ANXA6: variants seen among roughly 807,000 people sequenced by gnomAD.
The protein encoded by ANXA6 is annexin A6.
ANXA6 carries 71 observed loss-of-function variants against 95.4 expected under a neutral mutation model. The ratio of observed to expected loss-of-function variants is 0.74; its 90% CI spans 0.61 to 0.91. The LOEUF (loss-of-function observed/expected upper bound fraction) is 0.91, where lower values mean the gene tolerates loss of function less well. Among genes scored for constraint, ANXA6 ranks in the 40% least tolerant of loss-of-function variants. ANXA6 has a pLI of 0.00. For missense variants in ANXA6, 830 were observed against 876.4 expected (o/e 0.95, Z 0.67); for synonymous variants, 289 against 315.9 (o/e 0.91, Z 0.90).
At position 151,119,459 on chromosome 5, in the gene ANXA6, G is replaced by A. The variant is rs558659415; in HGVS notation, c.1348-69C>T. On this transcript the variant is annotated intron_variant, in intron 17 of 25. Coordinates refer to ENST00000354546, the MANE Select transcript of ANXA6 (RefSeq NM_001155.5). ...TCCTGTGCAGAGGTCCATGGGGCCCGGACGGCTAAAGCTCAGGCCAAGCAT... is the reference window on the plus strand; with the variant it reads ...TCCTGTGCAGAGGTCCATGGGGCCCAGACGGCTAAAGCTCAGGCCAAGCAT... 88 of 1,380,346 alleles carry A rather than the reference G, an allele frequency of 6.4e-5. No homozygotes were observed. The East Asian group carries it at 6.7e-4, about 10-fold the overall frequency. 85.5% of individuals were successfully genotyped at this position (1,380,346 alleles called of 1,614,324 possible).
chr5:151,141,947 C>T lies in ANXA6; in HGVS notation c.19-1704G>A, dbSNP rs113983198. The stretch of plus-strand genomic sequence containing the variant: ...GAAATTCCTGCTGCCTTCTCCACCC[C>T]GGTGGGCAGTTTGATCCAGAAACCT... On this transcript the variant is annotated intron_variant, in intron 2 of 25. Coordinates refer to ENST00000354546, the MANE Select transcript of ANXA6 (RefSeq NM_001155.5). Among the ~76,000 whole-genome samples the T allele has an allele frequency of 7.9e-5, 12 of 152,308 alleles. 1 individual carries two copies. The highest frequency in any genetic ancestry group is 1.2e-4 in the African/African-American group (5 of 41,570).
chr5:151,111,455 TG>T (rs1211755208), intron 20 of ANXA6, among the ~76,000 whole-genome samples: 1 of 152,218 alleles, frequency 6.6e-6, no homozygotes, highest in African/African-American at 2.4e-5. Flanking sequence ...TTCTTTTCAT[TG>T]CATAATTGGC....
rs547165725 is a variant in ANXA6, at chr5:151,142,489, A to G, written c.19-2246T>C. ...TGAGACTGACTCTGTCTCAAAAAAA[A>G]AAAAAGGAAACAAGAAGGTTCAGAG... On this transcript the variant is annotated intron_variant, in intron 2 of 25. Coordinates refer to ENST00000354546, the MANE Select transcript of ANXA6 (RefSeq NM_001155.5). Among the ~76,000 whole-genome samples, 24 of 152,218 alleles carry G rather than the reference A, an allele frequency of 1.6e-4. No homozygotes were observed. In the East Asian group the frequency reaches 4.4e-3, roughly 28 times the overall value.
intron 10 of ANXA6, 69 bp downstream of exon 10, chr5:151,132,407 A>T: frequency 8.5e-7 from 1 of 1,178,806 alleles, no homozygotes; most frequent in East Asian, 2.5e-5. Context: ...TTCCATTCTC[A>T]GCCCCTTGTT....
At chr5:151,113,640 T>C (rs1164792749) in intron 20 of ANXA6, among the ~76,000 whole-genome samples, 1 of 151,992 alleles carries the variant, frequency 6.6e-6, no homozygotes, top group Non-Finnish European at 1.5e-5. Context: ...ATATCTGTAA[T>C]GTAAAAAAAA....
chr5:151,140,460 G>T (rs935347760), intron 2 of ANXA6: 5 of 550,744 alleles, frequency 9.1e-6, no homozygotes, highest in Non-Finnish European at 1.3e-5. Context: ...CCCAAGGGAG[G>T]GGGGCTTGGC....
rs762020848 is a variant in ANXA6, at chr5:151,128,225, G to A, written c.933C>T (p.Gly311=). 25 of 1,611,126 alleles carry A rather than the reference G, an allele frequency of 1.6e-5. No homozygotes were observed. Among genetic ancestry groups the A allele is most frequent in the East Asian group, 4.5e-5 (2 of 44,824 alleles). Residue 311 remains glycine (G), a synonymous_variant, in exon 13 of 26, where the codon GGC becomes GGT. Coordinates refer to ENST00000354546, the MANE Select transcript of ANXA6 (RefSeq NM_001155.5). ...GCTTCAGCAGAGTCTTCTTGTACTC[G>A]CCAGAGGTGTCATTCTGAAGAGAAA... is the stretch of plus-strand genomic sequence containing the variant. ...LYSMIKNDTS[G]EYKKTLLKLS...
intron 20 of ANXA6, 50 bp from the exon 21 acceptor site, chr5:151,110,694 G>A: frequency 6.2e-7 from 1 of 1,609,370 alleles, no homozygotes; most frequent in Non-Finnish European, 8.5e-7. Context: ...GCAAGAGTCA[G>A]AGGAGGTTGG....
In ANXA6 at chr5:151,122,958, G is replaced by A. The variant is rs199949353; in HGVS notation, c.1192C>T (p.Arg398Trp). Residue 398 changes from arginine to tryptophan, a missense_variant, in exon 16 of 26, where the codon CGG becomes TGG. By Grantham distance (101) the Arg-to-Trp change is moderately radical. Transcript: ENST00000354546. ...DIITHRSNVQ[R>W]QQIRQTFKSH... ...TTGAAGGTCTGCCGGATCTGCTGCC[G>A]CTGGACATTGCTGCGGTGCGTGATG... The A allele has an allele frequency of 1.7e-5, 27 of 1,613,786 alleles. No homozygotes were observed. Among genetic ancestry groups the A allele is most frequent in the African/African-American group, 2.7e-5 (2 of 74,926 alleles).
In ANXA6 at chr5:151,126,409, C is replaced by G. The variant is rs373658825; in HGVS notation, c.1049G>C (p.Arg350Pro). ...AGGAGGGGAAGGTCTGACCTCTACT[C>G]GGGCCACTGCACTAAGTTCCCACAT... ...YQMWELSAVA[R>P]VELKGTVRPA... The change falls in exon 14 of 26, where the codon CGA (arginine) becomes CCA (proline). Residue 350 changes from arginine to proline, a missense_variant. Transcript: ENST00000354546. 2.5e-6 allele frequency: 4 copies of G among 1,608,892 alleles called. No individual in the cohort carries two copies. Among genetic ancestry groups the G allele is most frequent in the East Asian group, 2.2e-5 (1 of 44,684 alleles).
At chr5:151,110,433 G>A (rs1322722616) in intron 21 of ANXA6, among the ~76,000 whole-genome samples, 194 bp downstream of exon 21, 2 of 152,184 alleles carry the variant, frequency 1.3e-5, no homozygotes, top group East Asian at 1.9e-4. Flanking sequence ...AGCACAAATC[G>A]TGCCAGAGAT....
chr5:151,132,412 C>A, intron 10 of ANXA6, 64 bp downstream of exon 10: 1 of 1,263,574 alleles, frequency 7.9e-7, no homozygotes, highest in South Asian at 1.3e-5. Context: ...TTCTCAGCCC[C>A]TTGTTCCTAG....
chr5:151,110,787 C>A, intron 20 of ANXA6, 143 bp from the exon 21 acceptor site: 1 of 813,304 alleles, frequency 1.2e-6, no homozygotes. Flanking sequence ...TGAGAGAACC[C>A]GGGATGCGAA....
chr5:151,131,473 G>C (rs1765511467), intron 10 of ANXA6, among the ~76,000 whole-genome samples, 184 bp from the exon 11 acceptor site: 1 of 152,118 alleles, frequency 6.6e-6, no homozygotes, highest in Non-Finnish European at 1.5e-5. Flanking sequence ...GCACACCCAG[G>C]GAATAAACAG....
intron 2 of ANXA6, among the ~76,000 whole-genome samples, chr5:151,141,356 G>A (rs1402082653): frequency 1.3e-5 from 2 of 152,186 alleles, no homozygotes; most frequent in Admixed American, 6.5e-5. Flanking sequence ...TGTCTTTCAC[G>A]AGCTCCTGGC....
chr5:151,147,440 C>A (rs1446073323), intron 2 of ANXA6, among the ~76,000 whole-genome samples: 1 of 152,254 alleles, frequency 6.6e-6, no homozygotes, highest in Non-Finnish European at 1.5e-5. Context: ...CCTGGAATCA[C>A]TGGGCATGAG....
intron 4 of ANXA6, chr5:151,139,043 C>T (rs1041228897): frequency 1.5e-5 from 9 of 594,188 alleles, no homozygotes; most frequent in Non-Finnish European, 2.1e-5. Flanking sequence ...GCCACTTCCC[C>T]ACCACTGTCT....
At chr5:151,102,699 G>A (rs544127179) in intron 25 of ANXA6, among the ~76,000 whole-genome samples, 9 of 152,208 alleles carry the variant, frequency 5.9e-5, no homozygotes, top group South Asian at 4.2e-4. Flanking sequence ...GCAAGACTCC[G>A]TCTCAAAAAC....
intron 25 of ANXA6, among the ~76,000 whole-genome samples, chr5:151,103,003 T>C (rs1324875350): frequency 1.3e-5 from 2 of 152,150 alleles, no homozygotes; most frequent in African/African-American, 4.8e-5. Flanking sequence ...GTTTGTTTGT[T>C]TGTCTGTTTT....
Sources: gnomAD v4.1 joint callset for allele counts (sites outside exome capture counted in the v4.1 genomes callset) on GRCh38, gnomAD v4.1.1 for gene constraint, MANE v1.5 for transcripts, NCBI Gene and HGNC (gene_info 2026-07-23, HGNC 2026-07-21) for gene names.